The following XPNPEP3 variants were observed in gnomAD, a reference collection of about 807,000 sequenced individuals.
The protein encoded by XPNPEP3 is X-prolyl aminopeptidase 3, also known as xaa-Pro aminopeptidase 3.
In XPNPEP3, 41 loss-of-function variants were observed where a neutral mutation model predicts 60.0. The ratio of observed to expected loss-of-function variants is 0.68; its 90% CI spans 0.53 to 0.89. The LOEUF is 0.89. Ranked by LOEUF, XPNPEP3 falls within the 40% of genes least tolerant of loss-of-function variation. XPNPEP3 has a pLI of 0.00. For synonymous variants in XPNPEP3, 212 were observed against 223.2 expected (o/e 0.95, Z 0.45); for missense variants, 598 against 638.9 (o/e 0.94, Z 0.69).
intron 1 of XPNPEP3, among the ~76,000 whole-genome samples, chr22:40,867,106 G>A (rs539911895): frequency 1.6e-4 from 25 of 152,222 alleles, no homozygotes; most frequent in African/African-American, 6.0e-4. Context: ...AGATTAGGAA[G>A]GTAAGATAGC....
chr22:40,878,206 C>CAA lies in XPNPEP3; in HGVS notation c.182-3548_182-3547dup, dbSNP rs201923483. 1.7e-3 allele frequency among the ~76,000 whole-genome samples: 189 copies of CAA among 108,240 alleles called. 1 individual carries two copies. Among genetic ancestry groups the CAA allele is most frequent in the African/African-American group, 5.9e-3 (179 of 30,516 alleles). The allele number at this position is 108,240 out of a possible 152,430, so 71.0% of individuals were successfully genotyped here. A position where few individuals can be genotyped will look rare whatever the true frequency, so the allele number is the denominator to read the frequency against. On this transcript the variant is annotated intron_variant, in intron 2 of 9. Coordinates refer to ENST00000357137, the MANE Select transcript of XPNPEP3 (RefSeq NM_022098.4). ...GGGCAACAAGAACAAAGCTCTATCT[C>CAA]AAAAAAAAAAAAAAAAATGTGTTGT...
Position 40,914,289 on chromosome 22 carries a change from G to A in XPNPEP3, c.1020G>A (p.Val340=), listed in dbSNP as rs779099280. ...LDGGCESSCY[V]SDITRTWPVN... ...GAGGTTGTGAGTCTTCCTGCTATGT[G>A]AGTGACATCACACGTACGTGGCCAG... Residue 340 remains valine, a synonymous_variant, in exon 7 of 10, where the codon GTG becomes GTA. Coordinates refer to ENST00000357137, the MANE Select transcript of XPNPEP3 (RefSeq NM_022098.4). The A allele has an allele frequency of 6.2e-7, 1 of 1,614,114 alleles. No homozygotes were observed. The highest frequency in any genetic ancestry group is 8.5e-7 in the Non-Finnish European group (1 of 1,180,014).
intron 4 of XPNPEP3, among the ~76,000 whole-genome samples, chr22:40,898,224 C>CTTTTTTTTTTTTTTTTTTT (rs1405343173): frequency 2.8e-5 from 2 of 70,228 alleles, no homozygotes; most frequent in Non-Finnish European, 5.5e-5. Flanking sequence ...GTCTTTGACC[C>CTTTTTTTTTTTTTTTTTTT]ATTTTTTTTT....
At position 40,909,176 on chromosome 22, in the gene XPNPEP3, G is replaced by A. The variant is rs1443436335; in HGVS notation, c.910G>A (p.Val304Met). Residue 304 changes from valine (V) to methionine (M), a missense_variant, in exon 6 of 10, where the codon GTG becomes ATG. Transcript: ENST00000357137. ...AGACATTTTAGCCTATCCACCTGTG[G>A]TGGCTGGTGGTAATCGGTCAAACAC... Reference protein sequence around the residue: ...GADILAYPPVVAGGNRSNTLH... With the variant: ...GADILAYPPVMAGGNRSNTLH... 1 of 1,614,038 alleles carries A rather than the reference G, an allele frequency of 6.2e-7. No individual in the cohort carries two copies. Among genetic ancestry groups the A allele is most frequent in the Non-Finnish European group, 8.5e-7 (1 of 1,180,050 alleles).
At chr22:40,901,229 T>A (rs537785932) in intron 4 of XPNPEP3, among the ~76,000 whole-genome samples, 7 of 113,558 alleles carry the variant, frequency 6.2e-5, no homozygotes, top group African/African-American at 2.3e-4. Flanking sequence ...CTAGAATATT[T>A]AAAGAACTTT....
At chr22:40,907,046 G>A (rs2146269281) in intron 4 of XPNPEP3, 1 of 456,282 alleles carries the variant, frequency 2.2e-6, no homozygotes, top group Non-Finnish European at 4.4e-6. Flanking sequence ...ACTTCTTACT[G>A]TCACCCCAAT....
chr22:40,889,972 G>A (rs1413922466), intron 4 of XPNPEP3, among the ~76,000 whole-genome samples: 2 of 152,094 alleles, frequency 1.3e-5, no homozygotes, highest in African/African-American at 4.8e-5. Context: ...TTGATCCACA[G>A]TTTTCTGCAC....
At chr22:40,920,556 A>G (rs1024526813) in intron 7 of XPNPEP3, among the ~76,000 whole-genome samples, 8 of 152,222 alleles carry the variant, frequency 5.3e-5, no homozygotes, top group African/African-American at 1.9e-4. Flanking sequence ...GTGTTTATGT[A>G]TTGTGGGTTA....
At chr22:40,874,421 G>GTGTTTTTGTTTT (rs144729135) in intron 2 of XPNPEP3, among the ~76,000 whole-genome samples, 1 of 151,372 alleles carries the variant, frequency 6.6e-6, no homozygotes, top group African/African-American at 2.4e-5. Flanking sequence ...CTTAGAACAT[G>GTGTTTTTGTTTT]TGTTTTTGTT....
At chr22:40,920,232 G>T (rs1000732424) in intron 7 of XPNPEP3, among the ~76,000 whole-genome samples, 1 of 152,134 alleles carries the variant, frequency 6.6e-6, no homozygotes, top group East Asian at 1.9e-4. Context: ...GCTGGGCGTG[G>T]TGGTGGGCGC....
chr22:40,857,159 C>A lies in XPNPEP3; in HGVS notation c.-23C>A. On this transcript the variant is annotated 5_prime_UTR_variant, in exon 1 of 10. Coordinates refer to ENST00000357137, the MANE Select transcript of XPNPEP3 (RefSeq NM_022098.4). ...TCCCCGTCGTTACCCTCTTTCTCTT[C>A]CCGACGCGTGAGTTAGGCCGTAATG... The A allele has an allele frequency of 6.2e-7, 1 of 1,613,912 alleles. No homozygotes were observed. The highest frequency in any genetic ancestry group is 8.5e-7 in the Non-Finnish European group (1 of 1,179,906).
intron 2 of XPNPEP3, among the ~76,000 whole-genome samples, chr22:40,875,001 T>C (rs1175089916): frequency 1.3e-5 from 2 of 152,218 alleles, no homozygotes; most frequent in Non-Finnish European, 2.9e-5. Context: ...TTCAACACTT[T>C]TTTAATAGAT....
At chr22:40,860,918 A>G (rs1305140397) in intron 1 of XPNPEP3, 5 of 789,378 alleles carry the variant, frequency 6.3e-6, no homozygotes, top group South Asian at 6.0e-5. Flanking sequence ...TGACATACCC[A>G]TTCAAAAAAA....
intron 4 of XPNPEP3, among the ~76,000 whole-genome samples, chr22:40,903,028 G>C (rs1166658637): frequency 6.6e-6 from 1 of 152,102 alleles, no homozygotes; most frequent in African/African-American, 2.4e-5. Context: ...CTACATAATG[G>C]TAAAGCCCTC....
rs961098448 is a variant in XPNPEP3, at chr22:40,928,755, A to G, written c.*2320A>G. 1.3e-5 allele frequency: 2 copies of G among 152,234 alleles called. No homozygotes were observed. The highest frequency in any genetic ancestry group is 1.3e-4 in the Admixed American group (2 of 15,278). 9.4% of individuals were successfully genotyped at this position (152,234 alleles called of 1,614,324 possible). ...AAACAATTTGTATTAGGGAAGCACA[A>G]GCTAGGGGATTAACAATCTCTGTAA... On this transcript the variant is annotated 3_prime_UTR_variant, in exon 10 of 10. Transcript: ENST00000357137.
chr22:40,925,571 A>G (rs774589553), intron 9 of XPNPEP3, among the ~76,000 whole-genome samples: 9 of 152,160 alleles, frequency 5.9e-5, no homozygotes, highest in Non-Finnish European at 1.0e-4. Context: ...TTCTTTTTCA[A>G]TCGCAGAGCA....
intron 2 of XPNPEP3, among the ~76,000 whole-genome samples, chr22:40,878,249 TGC>T (rs2058034945): frequency 6.6e-6 from 1 of 152,020 alleles, no homozygotes; most frequent in Admixed American, 6.6e-5. Context: ...AGTGCTTTGT[TGC>T]GTTGAGATTT....
intron 2 of XPNPEP3, among the ~76,000 whole-genome samples, chr22:40,872,442 CTG>C (rs552526783): frequency 1.5e-3 from 231 of 151,744 alleles, no homozygotes; most frequent in African/African-American, 5.5e-3. Context: ...GCATTCTGAA[CTG>C]TGAGTCTACT....
At chr22:40,859,000 C>T (rs1001377460) in intron 1 of XPNPEP3, among the ~76,000 whole-genome samples, 1 of 152,150 alleles carries the variant, frequency 6.6e-6, no homozygotes, top group Non-Finnish European at 1.5e-5. Flanking sequence ...AACTTGAACT[C>T]TCACCTCAGC....
Sources: allele counts gnomAD v4.1 joint callset (sites outside exome capture counted in the v4.1 genomes callset), GRCh38; gene constraint gnomAD v4.1.1; transcripts MANE v1.5; gene names NCBI Gene and HGNC (gene_info 2026-07-23, HGNC 2026-07-21).